XIRP2: variants seen among roughly 807,000 people sequenced by gnomAD.
XIRP2 encodes the protein xin actin binding repeat containing 2.
Under a neutral mutation model 277.0 loss-of-function variants are expected in XIRP2, and 236 were observed. The observed-to-expected ratio is 0.85, with a 90% CI of 0.77 to 0.95. XIRP2 has a LOEUF of 0.95. Among genes scored for constraint, XIRP2 ranks in the 40% least tolerant of loss-of-function variants. The pLI is 0.00. For missense variants in XIRP2, 4,640 were observed against 4,157.5 expected (o/e 1.12, Z -3.19); for synonymous variants, 1,490 against 1,416.5 (o/e 1.05, Z -1.17).
chr2:166,963,327 C>G (rs546813498), intron 2 of XIRP2, among the ~76,000 whole-genome samples: 15 of 151,640 alleles, frequency 9.9e-5, no homozygotes, highest in Admixed American at 9.2e-4. Context: ...TTCATTCATT[C>G]GTTCATTCAT....
In XIRP2 at chr2:167,251,337, C is replaced by T. The variant is rs912184588; in HGVS notation, c.9945C>T (p.Ala3315=). 6.2e-7 allele frequency: 1 copy of T among 1,613,538 alleles called. No homozygotes were observed. Among genetic ancestry groups the T allele is most frequent in the Non-Finnish European group, 8.5e-7 (1 of 1,179,698 alleles). The change falls in exon 9 of 11, where the codon GCC becomes GCT. Residue 3315 remains alanine, a synonymous_variant. Transcript: ENST00000409195. ...LSEHTQRYEA[A]NRTVQMAENF... is the part of the protein sequence containing the mutation. Reference sequence around the variant, plus strand: ...AGCACACACAGAGATATGAAGCGGCCAACCGAACTGTTCAAATGGCTGAAA... The same window carrying T: ...AGCACACACAGAGATATGAAGCGGCTAACCGAACTGTTCAAATGGCTGAAA...
rs1472994078 is a variant in XIRP2, at chr2:167,258,296, G to A, written c.*479G>A. The A allele has an allele frequency of 1.2e-6, 2 of 1,613,370 alleles. No individual in the cohort carries two copies. The highest frequency in any genetic ancestry group is 3.3e-5 in the Admixed American group (2 of 59,900). On this transcript the variant is annotated 3_prime_UTR_variant, in exon 11 of 11. Transcript: ENST00000409195. Reference sequence around the variant, plus strand: ...TAAAAGTGAATCTCTGCTAGAAGATGTTAGAACTCCAGAAAATAAAGGACA... The same window carrying A: ...TAAAAGTGAATCTCTGCTAGAAGATATTAGAACTCCAGAAAATAAAGGACA...
At chr2:166,975,525 G>A (rs903821280) in intron 2 of XIRP2, among the ~76,000 whole-genome samples, 6 of 152,216 alleles carry the variant, frequency 3.9e-5, no homozygotes, top group African/African-American at 1.2e-4. Context: ...AACTTTTGGT[G>A]TATTTGGGGG....
chr2:167,164,417 G>T (rs1161823393), intron 3 of XIRP2, among the ~76,000 whole-genome samples: 1 of 132,878 alleles, frequency 7.5e-6, no homozygotes, highest in Non-Finnish European at 1.5e-5. Flanking sequence ...CTGCAGTCCA[G>T]CCTGGGCGAA....
At chr2:167,187,784 T>A (rs1693201418) in intron 3 of XIRP2, among the ~76,000 whole-genome samples, 1 of 152,178 alleles carries the variant, frequency 6.6e-6, no homozygotes, top group Non-Finnish European at 1.5e-5. Flanking sequence ...CCAAACTTGA[T>A]AAACAGTCAT....
At position 166,903,706 on chromosome 2, in the gene XIRP2, C is replaced by CG; in HGVS notation, c.226dup (p.Glu76GlyfsTer10). ...GGGGAAGAGATGTGGAGTTCGAAGCCGGAAGAGAAGGATTCTGTGGACAAG... is the reference window on the plus strand; with the variant it reads ...GGGGAAGAGATGTGGAGTTCGAAGCCGGGAAGAGAAGGATTCTGTGGACAAG... On this transcript the variant is annotated frameshift_variant, in exon 2 of 11. Transcript: ENST00000409195. LOFTEE classifies it high-confidence loss of function. 6.2e-7 allele frequency: 1 copy of CG among 1,613,566 alleles called. No homozygotes were observed. Among genetic ancestry groups the CG allele is most frequent in the Non-Finnish European group, 8.5e-7 (1 of 1,179,780 alleles).
intron 2 of XIRP2, among the ~76,000 whole-genome samples, chr2:167,029,727 A>C (rs867479909): frequency 2.6e-5 from 4 of 152,120 alleles, no homozygotes; most frequent in South Asian, 4.1e-4. Context: ...TCATAAAATG[A>C]GTTAGGGAGG....
chr2:167,020,600 ATTC>A (rs1687955710), intron 2 of XIRP2, among the ~76,000 whole-genome samples: 1 of 151,934 alleles, frequency 6.6e-6, no homozygotes, highest in Non-Finnish European at 1.5e-5. Context: ...TACCCAGACA[ATTC>A]TTTTTTGACT....
intron 2 of XIRP2, among the ~76,000 whole-genome samples, chr2:166,999,038 G>T (rs1036305673): frequency 2.6e-5 from 4 of 151,644 alleles, no homozygotes; most frequent in Admixed American, 2.0e-4. Flanking sequence ...TTGTCTTTTG[G>T]CTTTTAGTGA....
At chr2:167,240,569 G>T in intron 6 of XIRP2, 95 bp from the exon 7 acceptor site, 1 of 1,056,224 alleles carries the variant, frequency 9.5e-7, no homozygotes, top group East Asian at 2.5e-5. Flanking sequence ...TAAAGTCTTG[G>T]GTGAAAATCA....
intron 1 of XIRP2, among the ~76,000 whole-genome samples, chr2:166,894,317 C>T (rs1684184835): frequency 6.6e-6 from 1 of 152,088 alleles, no homozygotes; most frequent in Non-Finnish European, 1.5e-5. Context: ...CTCTTTTATA[C>T]AAGATAGCAG....
intron 2 of XIRP2, among the ~76,000 whole-genome samples, chr2:166,920,700 C>A (rs1685014770): frequency 6.6e-6 from 1 of 152,094 alleles, no homozygotes; most frequent in Admixed American, 6.5e-5. Context: ...AATTATTGAA[C>A]ATTCACTGTG....
Position 167,245,908 on chromosome 2 carries a change from C to T in XIRP2, c.4516C>T (p.His1506Tyr). ...NRTFDSIMEA[H>Y]KGITKMTKEE... Reference sequence around the variant, plus strand: ...AACTTTCGATTCTATTATGGAAGCACATAAAGGTATCACAAAAATGACCAA... The same window carrying T: ...AACTTTCGATTCTATTATGGAAGCATATAAAGGTATCACAAAAATGACCAA... Residue 1506 changes from histidine (H) to tyrosine (Y), a missense_variant, in exon 9 of 11, where the codon CAT becomes TAT. Physicochemically the swap from His to Tyr is moderately conservative, Grantham distance 83. Coordinates refer to ENST00000409195, the MANE Select transcript of XIRP2 (RefSeq NM_152381.6). 1 of 1,613,612 alleles carries T rather than the reference C, an allele frequency of 6.2e-7. No homozygotes were observed. Among genetic ancestry groups the T allele is most frequent in the Non-Finnish European group, 8.5e-7 (1 of 1,179,746 alleles).
In XIRP2 at chr2:167,211,262, A is replaced by T. The variant is rs1469560158; in HGVS notation, c.723+367A>T. On this transcript the variant is annotated intron_variant, in intron 4 of 10. Transcript: ENST00000409195. ...ACAGAGCATGCCACCATGCTCTGCTAATTTTTGTATTTTTAGTAGAGACAG... is the reference window on the plus strand; with the variant it reads ...ACAGAGCATGCCACCATGCTCTGCTTATTTTTGTATTTTTAGTAGAGACAG... 3.3e-5 allele frequency among the ~76,000 whole-genome samples: 5 copies of T among 151,778 alleles called. No homozygotes were observed. The East Asian group carries it at 9.8e-4, about 30-fold the overall frequency.
At chr2:167,253,798 C>T (rs1695582019) in intron 9 of XIRP2, among the ~76,000 whole-genome samples, 1 of 151,604 alleles carries the variant, frequency 6.6e-6, no homozygotes, top group African/African-American at 2.4e-5. Context: ...TCATAAATGT[C>T]TACTCGTACA....
chr2:167,226,217 C>G (rs1243077010), intron 5 of XIRP2, among the ~76,000 whole-genome samples: 2 of 152,158 alleles, frequency 1.3e-5, no homozygotes, highest in Non-Finnish European at 2.9e-5. Flanking sequence ...TTTCACTACT[C>G]TTGCATTCAA....
At chr2:167,151,501 C>G (rs1373087980) in intron 3 of XIRP2, among the ~76,000 whole-genome samples, 1 of 152,032 alleles carries the variant, frequency 6.6e-6, no homozygotes, top group Non-Finnish European at 1.5e-5. Context: ...CTCTAAGGAG[C>G]ATAGTCATCT....
In XIRP2 at chr2:166,998,011, TAGAG is replaced by T. The variant is rs752297546; in HGVS notation, c.408+94127_408+94130del. ...TCACATAGAGTTACAATTTAAGAAG[TAGAG>T]AGAGATATTATGAAATTTCTAAGTA... On this transcript the variant is annotated intron_variant, in intron 2 of 10. Transcript: ENST00000409195. Among the ~76,000 whole-genome samples, 94 of 152,224 alleles carry T rather than the reference TAGAG, an allele frequency of 6.2e-4. 1 individual carries two copies. The highest frequency in any genetic ancestry group is 1.4e-3 in the Admixed American group (21 of 15,290).
intron 2 of XIRP2, among the ~76,000 whole-genome samples, chr2:167,121,897 C>T (rs377618465): frequency 2.0e-5 from 3 of 152,078 alleles, no homozygotes; most frequent in Admixed American, 1.3e-4. Flanking sequence ...GTCATATGAA[C>T]GTGACCTCTA....
Sources: gnomAD v4.1 joint callset for allele counts (sites outside exome capture counted in the v4.1 genomes callset) on GRCh38, gnomAD v4.1.1 for gene constraint, MANE v1.5 for transcripts, NCBI Gene and HGNC (gene_info 2026-07-23, HGNC 2026-07-21) for gene names.